The following BBX variants were observed in gnomAD, a reference collection of about 807,000 sequenced individuals.
BBX encodes BBX high mobility group box domain containing, also known as HMG box transcription factor BBX.
Under a neutral mutation model 100.2 loss-of-function variants are expected in BBX, and 30 were observed. That is an observed-to-expected ratio of 0.30 (90% CI 0.22 to 0.41). BBX has a LOEUF of 0.41. BBX is among the 10% of genes least tolerant of loss of function. BBX has a pLI of 1.00. For missense variants in BBX, 1,023 were observed against 1,129.8 expected (o/e 0.91, Z 1.35); for synonymous variants, 376 against 388.1 (o/e 0.97, Z 0.37).
At chr3:107,747,263 G>A (rs2064701116) in intron 8 of BBX, among the ~76,000 whole-genome samples, 1 of 151,990 alleles carries the variant, frequency 6.6e-6, no homozygotes, top group South Asian at 2.1e-4. Flanking sequence ...GTGTTGGGTG[G>A]GAGGACGCAG....
At chr3:107,525,433 C>T (rs2047692022) in intron 1 of BBX, 1 of 152,402 alleles carries the variant, frequency 6.6e-6, no homozygotes, top group African/African-American at 2.4e-5. Context: ...GGGGACACCC[C>T]ACTCGTTGCT....
chr3:107,598,066 AC>A (rs951316946), intron 2 of BBX, among the ~76,000 whole-genome samples: 1 of 152,168 alleles, frequency 6.6e-6, no homozygotes, highest in African/African-American at 2.4e-5. Flanking sequence ...TTGATTTACT[AC>A]CTGTGTGCCT....
intron 4 of BBX, 110 bp from the exon 5 acceptor site, chr3:107,716,497 T>C: frequency 7.6e-7 from 1 of 1,313,844 alleles, no homozygotes; most frequent in Non-Finnish European, 1.1e-6. Flanking sequence ...AATGTGTAAG[T>C]TGTTTAAATG....
chr3:107,630,724 G>A (rs540111952), intron 2 of BBX, among the ~76,000 whole-genome samples: 6 of 152,286 alleles, frequency 3.9e-5, no homozygotes, highest in African/African-American at 1.2e-4. Context: ...AGTTGTGGAG[G>A]AACAGTGTAC....
rs368835354 is a variant in BBX, at chr3:107,773,177, G to A, written c.1456G>A (p.Val486Ile). The A allele has an allele frequency of 6.1e-5, 98 of 1,614,096 alleles. 1 individual carries two copies. In the South Asian group the frequency reaches 6.4e-4, roughly 10 times the overall value. ...GTCTTCGGAATCTGACATTGAGAGC[G>A]TCATATATACCATTGAAGCCGTCGC... ...RQSSESDIES[V>I]IYTIEAVAKG... Residue 486 changes from valine to isoleucine, a missense_variant, in exon 11 of 18, where the codon GTC (valine) becomes ATC (isoleucine). Around this residue, in one of 9 missense-constraint regions of BBX, gnomAD observed 348 missense variants for 353.2 expected, o/e 0.99. Transcript: ENST00000325805. The surrounding 1 kb of genome is among the most constrained non-coding windows in gnomAD (Gnocchi z 4.1).
intron 3 of BBX, among the ~76,000 whole-genome samples, chr3:107,661,403 A>G (rs1406279921): frequency 1.3e-5 from 2 of 152,096 alleles, no homozygotes; most frequent in Non-Finnish European, 2.9e-5. Context: ...TACCTCTCTG[A>G]CCTTCATTTT....
intron 4 of BBX, among the ~76,000 whole-genome samples, chr3:107,713,711 A>T (rs1253379213): frequency 6.6e-6 from 1 of 152,128 alleles, no homozygotes; most frequent in East Asian, 1.9e-4. Flanking sequence ...GGTTTACAGG[A>T]TCAAATGCAT....
At chr3:107,715,092 T>C (rs1302711134) in intron 4 of BBX, among the ~76,000 whole-genome samples, 2 of 152,112 alleles carry the variant, frequency 1.3e-5, no homozygotes, top group Non-Finnish European at 2.9e-5. Flanking sequence ...CAAGACTTTT[T>C]AAAAATACCA....
intron 2 of BBX, among the ~76,000 whole-genome samples, chr3:107,567,404 T>G (rs945977887): frequency 6.6e-6 from 1 of 152,170 alleles, no homozygotes; most frequent in African/African-American, 2.4e-5. Context: ...CTTTTTTTCT[T>G]TATATATTTC....
At chr3:107,709,461 C>G (rs1433094181) in intron 3 of BBX, among the ~76,000 whole-genome samples, 2 of 152,204 alleles carry the variant, frequency 1.3e-5, no homozygotes, top group African/African-American at 4.8e-5. Flanking sequence ...ACATACTGAG[C>G]AAATAGGCTG....
At position 107,801,285 on chromosome 3, in the gene BBX, A is replaced by G; in HGVS notation, c.2738+4A>G. 1.2e-6 allele frequency: 2 copies of G among 1,612,348 alleles called. No homozygotes were observed. The highest frequency in any genetic ancestry group is 1.7e-6 in the Non-Finnish European group (2 of 1,178,970). Reference sequence around the variant, plus strand: ...CAGCCATGGAAAATGTGCACAGGTTAGTGGTAGAAGGTGGAAGGAGAAAGC... The same window carrying G: ...CAGCCATGGAAAATGTGCACAGGTTGGTGGTAGAAGGTGGAAGGAGAAAGC... On this transcript the variant is annotated splice_donor_region_variant and intron_variant, in intron 17 of 17. Coordinates refer to ENST00000325805, the MANE Select transcript of BBX (RefSeq NM_001142568.3).
At chr3:107,613,771 A>G (rs918966952) in intron 2 of BBX, among the ~76,000 whole-genome samples, 11 of 151,998 alleles carry the variant, frequency 7.2e-5, no homozygotes, top group African/African-American at 2.2e-4. Flanking sequence ...TTGCTTATAG[A>G]CCTATCTTCT....
intron 2 of BBX, among the ~76,000 whole-genome samples, chr3:107,570,861 G>C (rs979406100): frequency 6.6e-6 from 1 of 152,112 alleles, no homozygotes; most frequent in Non-Finnish European, 1.5e-5. Context: ...TTCGCACTGG[G>C]AGTAGAGACT....
intron 16 of BBX, among the ~76,000 whole-genome samples, chr3:107,800,180 G>C (rs2108024290): frequency 6.6e-6 from 1 of 152,338 alleles, no homozygotes; most frequent in African/African-American, 2.4e-5. Flanking sequence ...CAATACAATA[G>C]AAGTAGAATG....
rs1467763904 is a variant in BBX at position 107,693,728 on chromosome 3, C to T, written c.-9-16724C>T. ...AACTTTAAAGTGGTTCTTTCCAATT[C>T]TGTGAAGAAAGTCATGGTAGCTTGA... On this transcript the variant is annotated intron_variant, in intron 3 of 17. Coordinates refer to ENST00000325805, the MANE Select transcript of BBX (RefSeq NM_001142568.3). Among the ~76,000 whole-genome samples, 5 of 151,836 alleles carry T rather than the reference C, an allele frequency of 3.3e-5. 1 individual carries two copies. The highest frequency in any genetic ancestry group is 1.2e-4 in the African/African-American group (5 of 41,116).
intron 2 of BBX, among the ~76,000 whole-genome samples, chr3:107,554,696 C>T (rs2049954183): frequency 6.6e-6 from 1 of 152,162 alleles, no homozygotes; most frequent in Non-Finnish European, 1.5e-5. Context: ...GCACTCCAGC[C>T]TGGGCAACAG....
chr3:107,711,140 T>G (rs936107784), intron 4 of BBX: 18 of 338,060 alleles, frequency 5.3e-5, no homozygotes, highest in South Asian at 2.1e-4. Context: ...CACATAACCA[T>G]GCAGGTGACT....
At chr3:107,750,729 AG>A (rs2065017858) in intron 9 of BBX, among the ~76,000 whole-genome samples, 2 of 152,362 alleles carry the variant, frequency 1.3e-5, no homozygotes, top group South Asian at 4.1e-4. Flanking sequence ...AGATGAACTA[AG>A]AAAAATATCT....
At chr3:107,801,544 A>G (rs951266915) in intron 17 of BBX, among the ~76,000 whole-genome samples, 2 of 152,210 alleles carry the variant, frequency 1.3e-5, no homozygotes, top group African/African-American at 4.8e-5. Context: ...GCAGGGAAGC[A>G]GTATTATCTG....
Sources: gnomAD v4.1 joint callset for allele counts (sites outside exome capture counted in the v4.1 genomes callset) on GRCh38, gnomAD v4.1.1 for gene constraint, gnomAD v4.1.1 regional missense constraint, Gnocchi (gnomAD v3.1) non-coding constraint, MANE v1.5 for transcripts, NCBI Gene and HGNC (gene_info 2026-07-23, HGNC 2026-07-21) for gene names.